Variants in ZBTB7A observed in about 807,000 individuals in gnomAD.
ZBTB7A encodes zinc finger and BTB domain-containing protein 7A.
A neutral mutation model predicts 26.7 loss-of-function variants in ZBTB7A; 7 were observed. That is an observed-to-expected ratio of 0.26 (90% CI 0.15 to 0.49). ZBTB7A has a LOEUF of 0.49. Ranked by LOEUF, ZBTB7A falls within the 20% of genes least tolerant of loss-of-function variation. The pLI, the probability that ZBTB7A is intolerant of heterozygous loss-of-function variation, is 0.98. For synonymous variants in ZBTB7A, 452 were observed against 441.0 expected (o/e 1.02, Z -0.31); for missense variants, 617 against 919.5 (o/e 0.67, Z 4.25).
intron 2 of ZBTB7A, among the ~76,000 whole-genome samples, chr19:4,049,168 GTATATATATATATATATATATATATA>G (rs1181215162): frequency 6.7e-5 from 1 of 14,954 alleles, no homozygotes; most frequent in Non-Finnish European, 1.2e-4. Flanking sequence ...GTGTGTGTGT[GTATATATATATATATATATATATATA>G]TATATATATA....
intron 1 of ZBTB7A, among the ~76,000 whole-genome samples, chr19:4,066,233 A>T (rs1199036763): frequency 8.8e-6 from 1 of 113,126 alleles, no homozygotes; most frequent in Admixed American, 1.1e-4. Context: ...AATCCTGGCC[A>T]ACTCCAACGT....
intron 1 of ZBTB7A, among the ~76,000 whole-genome samples, chr19:4,066,222 C>G (rs2040694885): frequency 7.5e-6 from 1 of 133,822 alleles, no homozygotes; most frequent in Admixed American, 7.5e-5. Flanking sequence ...CCATGGAGCT[C>G]AATCCTGGCC....
rs2040420719 is a variant in ZBTB7A at position 4,046,507 on chromosome 19, G to A, written c.*1245C>T. The A allele has an allele frequency of 7.2e-6, 1 of 138,534 alleles. No homozygotes were observed. The highest frequency in any genetic ancestry group is 1.5e-5 in the Non-Finnish European group (1 of 66,128). The allele number at this position is 138,534 out of a possible 1,614,324, so 8.6% of individuals were successfully genotyped here. On this transcript the variant is annotated 3_prime_UTR_variant, in exon 3 of 3. Transcript: ENST00000322357. ...ACTTGTAAACATGTTTTTAAATTAA[G>A]AATTAAGATAAAGTGTAGTACCCGT...
At chr19:4,059,825 T>C (rs1270609626) in intron 1 of ZBTB7A, among the ~76,000 whole-genome samples, 1 of 151,638 alleles carries the variant, frequency 6.6e-6, no homozygotes, top group Non-Finnish European at 1.5e-5. Context: ...GCCTCCGAGG[T>C]GGGAGAGGGG....
At chr19:4,050,518 A>G (rs1401553068) in intron 2 of ZBTB7A, among the ~76,000 whole-genome samples, 5 of 152,264 alleles carry the variant, frequency 3.3e-5, no homozygotes, top group Admixed American at 3.3e-4. Context: ...TGGAGCCTCT[A>G]GCCTACAAAG....
chr19:4,052,387 G>A lies in ZBTB7A; in HGVS notation c.1262+1584C>T, dbSNP rs1330946096. Among the ~76,000 whole-genome samples, 1 of 152,118 alleles carries A rather than the reference G, an allele frequency of 6.6e-6. No homozygotes were observed. Among genetic ancestry groups the A allele is most frequent in the East Asian group, 1.9e-4 (1 of 5,194 alleles). ...CCAGTACCCCAACCTCACCAAGGAGGGACAAACCACCAGCTACACTGCCTG... is the reference window on the plus strand; with the variant it reads ...CCAGTACCCCAACCTCACCAAGGAGAGACAAACCACCAGCTACACTGCCTG... On this transcript the variant is annotated intron_variant, in intron 2 of 2. Coordinates refer to ENST00000322357, the MANE Select transcript of ZBTB7A (RefSeq NM_015898.4). The surrounding 1 kb of genome is among the most constrained non-coding windows in gnomAD (Gnocchi z 4.9).
Position 4,052,693 on chromosome 19 carries a change from C to T in ZBTB7A, c.1262+1278G>A, listed in dbSNP as rs938104614. ...CTGCCTGCCAGCCCCCTGCCCCCAC[C>T]GCTACAGCCCGCCCCGGATCTACGA... On this transcript the variant is annotated intron_variant, in intron 2 of 2. Coordinates refer to ENST00000322357, the MANE Select transcript of ZBTB7A (RefSeq NM_015898.4). This position sits in a 1 kb window ranked among gnomAD's most constrained non-coding sequence, Gnocchi z 4.9. Among the ~76,000 whole-genome samples, 1 of 152,204 alleles carries T rather than the reference C, an allele frequency of 6.6e-6. No homozygotes were observed. The highest frequency in any genetic ancestry group is 2.1e-4 in the South Asian group (1 of 4,830).
rs529927605 is a variant in ZBTB7A at position 4,059,610 on chromosome 19, T to C, written c.-15-4363A>G. On this transcript the variant is annotated intron_variant, in intron 1 of 2. Coordinates refer to ENST00000322357, the MANE Select transcript of ZBTB7A (RefSeq NM_015898.4). ...CCCGGCAGGGCTGACTCCCAGGGGC[T>C]GGGGGCCAGGAAATGATGGAGGGGC... 5.9e-3 allele frequency among the ~76,000 whole-genome samples: 891 copies of C among 152,158 alleles called. 2 individuals are homozygous for C. Among genetic ancestry groups the C allele is most frequent in the Non-Finnish European group, 8.0e-3 (547 of 67,970 alleles).
At chr19:4,057,736 T>A (rs1452127071) in intron 1 of ZBTB7A, among the ~76,000 whole-genome samples, 1 of 140,522 alleles carries the variant, frequency 7.1e-6, no homozygotes, top group Non-Finnish European at 1.5e-5. Flanking sequence ...GCCACCTAGA[T>A]CACGCCACAG....
Position 4,054,564 on chromosome 19 carries a change from G to A in ZBTB7A, c.669C>T (p.Gly223=), listed in dbSNP as rs1339704966. 10 of 1,501,484 alleles carry A rather than the reference G, an allele frequency of 6.7e-6. No individual in the cohort carries two copies. The highest frequency in any genetic ancestry group is 1.8e-4 in the Middle Eastern group (1 of 5,516). 93.0% of individuals were successfully genotyped at this position (1,501,484 alleles called of 1,614,324 possible). A position where few individuals can be genotyped will look rare whatever the true frequency, so the allele number is the denominator to read the frequency against. The change falls in exon 2 of 3, where the codon GGC becomes GGT. Residue 223 remains glycine (G), a synonymous_variant. Coordinates refer to ENST00000322357, the MANE Select transcript of ZBTB7A (RefSeq NM_015898.4). ...DCNGLDFYGP[G]PPAERPPTGD... ...CCGTCGGGGGCCGCTCGGCCGGGGG[G>A]CCCGGCCCATAGAAGTCTAAGCCGT...
At chr19:4,049,809 C>T (rs1346435391) in intron 2 of ZBTB7A, among the ~76,000 whole-genome samples, 3 of 152,220 alleles carry the variant, frequency 2.0e-5, no homozygotes, top group African/African-American at 2.4e-5. Context: ...GTGCTGCTCC[C>T]GCAGTCCGGG....
chr19:4,065,718 C>T (rs1261294815), intron 1 of ZBTB7A: 5 of 133,852 alleles, frequency 3.7e-5, no homozygotes, highest in African/African-American at 1.5e-4. Context: ...CCGCCCTCCC[C>T]GGGGAGCGCG....
intron 1 of ZBTB7A, among the ~76,000 whole-genome samples, chr19:4,064,803 G>A (rs1199133385): frequency 6.6e-6 from 1 of 152,152 alleles, no homozygotes; most frequent in South Asian, 2.1e-4. Flanking sequence ...CGCCTGACTG[G>A]GGGGAGAGGA....
Position 4,047,601 on chromosome 19 carries a change from A to C in ZBTB7A, c.*151T>G, listed in dbSNP as rs2040437100. The C allele has an allele frequency of 7.2e-6, 4 of 557,790 alleles. No homozygotes were observed. The highest frequency in any genetic ancestry group is 1.0e-5 in the Non-Finnish European group (4 of 381,452). The allele number at this position is 557,790 out of a possible 1,614,324, so 34.6% of individuals were successfully genotyped here. On this transcript the variant is annotated 3_prime_UTR_variant, in exon 3 of 3. Coordinates refer to ENST00000322357, the MANE Select transcript of ZBTB7A (RefSeq NM_015898.4). ...GCTACCCTAGATTCTGTGACGCGTC[A>C]TATATATATATCTGTATATATATAT...
chr19:4,049,534 T>C (rs1001101171), intron 2 of ZBTB7A, among the ~76,000 whole-genome samples: 23 of 152,050 alleles, frequency 1.5e-4, no homozygotes, highest in Admixed American at 1.4e-3. Flanking sequence ...CAAACATCCC[T>C]GCCCTCTCGA....
rs1017276795 is a variant in ZBTB7A at position 4,048,938 on chromosome 19, A to G, written c.1263-694T>C. On this transcript the variant is annotated intron_variant, in intron 2 of 2. Coordinates refer to ENST00000322357, the MANE Select transcript of ZBTB7A (RefSeq NM_015898.4). This position sits in a 1 kb window ranked among gnomAD's most constrained non-coding sequence, Gnocchi z 6.7. ...GGTTGCAGTGAGCCCAGATCACGCC[A>G]CTGCCCTCCAACCTCGGTGACAGAA... 1.3e-5 allele frequency among the ~76,000 whole-genome samples: 2 copies of G among 148,460 alleles called. No homozygotes were observed. The highest frequency in any genetic ancestry group is 5.0e-5 in the African/African-American group (2 of 40,308).
In ZBTB7A at chr19:4,043,330, CTTT is replaced by C. The variant is rs958724038; in HGVS notation, c.*4419_*4421del. Among the ~76,000 whole-genome samples the C allele has an allele frequency of 3.9e-5, 5 of 128,174 alleles. No homozygotes were observed. Among genetic ancestry groups the C allele is most frequent in the African/African-American group, 1.4e-4 (5 of 35,320 alleles). The allele number at this position is 128,174 out of a possible 152,430, so 84.1% of individuals were successfully genotyped here. A position where few individuals can be genotyped will look rare whatever the true frequency, so the allele number is the denominator to read the frequency against. ...TCGTAACAGGCTGCGTTTAGTGGTT[CTTT>C]TTTTTTTTTTATGTACAAGAAAAAT... On this transcript the variant is annotated 3_prime_UTR_variant, in exon 3 of 3. Transcript: ENST00000322357.
At position 4,054,135 on chromosome 19, in the gene ZBTB7A, C is replaced by A; in HGVS notation, c.1098G>T (p.Pro366=). The change falls in exon 2 of 3, where the codon CCG becomes CCT. Residue 366 remains proline, a synonymous_variant. Transcript: ENST00000322357. Reference sequence around the variant, plus strand: ...TCTTCTCCACCTTCTGCGACCAGGCCGGGTAGACGTCGCCGTCGTGGGCGC... The same window carrying A: ...TCTTCTCCACCTTCTGCGACCAGGCAGGGTAGACGTCGCCGTCGTGGGCGC... ...FSGAHDGDVY[P]AWSQKVEKKI... is the part of the protein sequence containing the mutation. 1 of 1,605,876 alleles carries A rather than the reference C, an allele frequency of 6.2e-7. No individual in the cohort carries two copies. Among genetic ancestry groups the A allele is most frequent in the South Asian group, 1.1e-5 (1 of 91,070 alleles).
intron 1 of ZBTB7A, chr19:4,055,489 C>G: frequency 1.0e-6 from 1 of 984,966 alleles, no homozygotes; most frequent in Non-Finnish European, 1.2e-6. Context: ...GTCTTTAATA[C>G]AGAGACAGGC....
Sources: gnomAD v4.1 joint callset for allele counts (sites outside exome capture counted in the v4.1 genomes callset) on GRCh38, gnomAD v4.1.1 for gene constraint, Gnocchi (gnomAD v3.1) non-coding constraint, MANE v1.5 for transcripts, NCBI Gene and HGNC (gene_info 2026-07-23, HGNC 2026-07-21) for gene names.